BBX: variants seen among roughly 807,000 people sequenced by gnomAD.
BBX encodes the protein BBX high mobility group box domain containing.
BBX carries 30 observed loss-of-function variants against 100.2 expected under a neutral mutation model. That is an observed-to-expected ratio of 0.30 (90% CI 0.22 to 0.41). The LOEUF is 0.41. Among genes scored for constraint, BBX ranks in the 10% least tolerant of loss-of-function variants. The probability of loss-of-function intolerance (pLI) is 1.00; values close to 1 mark genes in which losing one functional copy is unlikely to be tolerated. For synonymous variants in BBX, 376 were observed against 388.1 expected (o/e 0.97, Z 0.37); for missense variants, 1,023 against 1,129.8 (o/e 0.91, Z 1.35).
chr3:107,727,115 A>C (rs2063003896), intron 5 of BBX, among the ~76,000 whole-genome samples: 1 of 152,050 alleles, frequency 6.6e-6, no homozygotes. Context: ...AAAATAGATA[A>C]TTTTATTTCT....
At chr3:107,799,031 T>C (rs1458827419) in intron 16 of BBX, among the ~76,000 whole-genome samples, 2 of 151,420 alleles carry the variant, frequency 1.3e-5, no homozygotes, top group African/African-American at 2.4e-5. Flanking sequence ...GTGCCTGTAG[T>C]CCCAGCTGCT....
chr3:107,651,598 A>T (rs892576228), intron 3 of BBX, among the ~76,000 whole-genome samples: 1 of 152,160 alleles, frequency 6.6e-6, no homozygotes, highest in Non-Finnish European at 1.5e-5. Flanking sequence ...GTAAGGCAAT[A>T]TTCTTTTACT....
chr3:107,749,751 A>C (rs2064922245), intron 9 of BBX, among the ~76,000 whole-genome samples: 1 of 151,474 alleles, frequency 6.6e-6, no homozygotes, highest in Admixed American at 6.6e-5. Flanking sequence ...CTCCTGCCTC[A>C]GCCTCCTGAG....
chr3:107,584,656 A>AT (rs2052681025), intron 2 of BBX, among the ~76,000 whole-genome samples: 1 of 58,332 alleles, frequency 1.7e-5, no homozygotes, highest in South Asian at 7.9e-4. Flanking sequence ...TTAAAAAGTG[A>AT]TTTTTCCGTT....
intron 13 of BBX, among the ~76,000 whole-genome samples, chr3:107,787,086 A>G (rs1056099921): frequency 3.3e-5 from 5 of 152,190 alleles, no homozygotes; most frequent in East Asian, 1.9e-4. Flanking sequence ...CAAAACCACA[A>G]TGGGAATAAT....
intron 3 of BBX, among the ~76,000 whole-genome samples, chr3:107,699,763 C>T (rs2060907432): frequency 6.6e-6 from 1 of 151,876 alleles, no homozygotes; most frequent in African/African-American, 2.4e-5. Flanking sequence ...ATTCACCAGG[C>T]TCTGACATAA....
intron 2 of BBX, among the ~76,000 whole-genome samples, chr3:107,552,750 T>C (rs1046977387): frequency 9.8e-5 from 15 of 152,360 alleles, no homozygotes; most frequent in African/African-American, 3.6e-4. Flanking sequence ...GTTATTTCTT[T>C]TGAAGTAACA....
chr3:107,567,423 A>T (rs1434845983), intron 2 of BBX, among the ~76,000 whole-genome samples: 1 of 152,066 alleles, frequency 6.6e-6, no homozygotes, highest in Non-Finnish European at 1.5e-5. Flanking sequence ...TCAAAGCTAT[A>T]TTGTTAAGTA....
At chr3:107,526,536 C>T (rs529694872) in intron 2 of BBX, 138 bp downstream of exon 2, 1 of 394,832 alleles carries the variant, frequency 2.5e-6, no homozygotes, top group Non-Finnish European at 4.5e-6. Context: ...TTTCCCACAG[C>T]ATAAGTCAGT....
At chr3:107,696,327 G>A (rs1234732189) in intron 3 of BBX, among the ~76,000 whole-genome samples, 2 of 151,760 alleles carry the variant, frequency 1.3e-5, no homozygotes, top group South Asian at 2.1e-4. Context: ...ATTTTGCAGT[G>A]GCTGGTACCG....
intron 2 of BBX, among the ~76,000 whole-genome samples, chr3:107,634,493 T>C (rs553079198): frequency 6.6e-6 from 1 of 152,332 alleles, no homozygotes; most frequent in East Asian, 1.9e-4. Context: ...TTGAACTGTG[T>C]TGTAGATTTT....
At chr3:107,732,002 C>A (rs1015600076) in intron 6 of BBX, among the ~76,000 whole-genome samples, 15 of 152,124 alleles carry the variant, frequency 9.9e-5, no homozygotes, top group African/African-American at 3.6e-4. Flanking sequence ...ACTTACAGGA[C>A]ACAGGTGCCT....
chr3:107,617,204 G>A (rs2055359179), intron 2 of BBX, among the ~76,000 whole-genome samples: 1 of 152,056 alleles, frequency 6.6e-6, no homozygotes, highest in Non-Finnish European at 1.5e-5. Context: ...AGGCATATTT[G>A]GTGGGTTTCT....
At position 107,806,217 on chromosome 3, in the gene BBX, G is replaced by C. The variant is rs979211926; in HGVS notation, c.*760G>C. On this transcript the variant is annotated 3_prime_UTR_variant, in exon 18 of 18. Transcript: ENST00000325805. ...AAGAAGAATTTGCTTGAGGCAAATT[G>C]TGGCAAATATTTTCCCAGACAGGGG... 1 of 152,084 alleles carries C rather than the reference G, an allele frequency of 6.6e-6. No homozygotes were observed. The highest frequency in any genetic ancestry group is 1.5e-5 in the Non-Finnish European group (1 of 68,024). The allele number at this position is 152,084 out of a possible 1,614,324, so 9.4% of individuals were successfully genotyped here.
intron 2 of BBX, among the ~76,000 whole-genome samples, chr3:107,610,135 C>T: frequency 6.6e-6 from 1 of 152,106 alleles, no homozygotes; most frequent in Non-Finnish European, 1.5e-5. Flanking sequence ...CCTTGACCCA[C>T]TTGTCATTCA....
chr3:107,617,226 C>G (rs955041744), intron 2 of BBX, among the ~76,000 whole-genome samples: 5 of 152,084 alleles, frequency 3.3e-5, no homozygotes, highest in Non-Finnish European at 7.4e-5. Flanking sequence ...TATGGGTTCT[C>G]TATGCTGTTC....
chr3:107,716,544 A>C, intron 4 of BBX, 63 bp from the exon 5 acceptor site: 1 of 1,570,016 alleles, frequency 6.4e-7, no homozygotes, highest in South Asian at 1.2e-5. Context: ...AACCAAGACT[A>C]ACTGTTAAAT....
At chr3:107,660,146 A>T (rs922692940) in intron 3 of BBX, among the ~76,000 whole-genome samples, 1 of 152,124 alleles carries the variant, frequency 6.6e-6, no homozygotes, top group African/African-American at 2.4e-5. Context: ...TGTGATATAT[A>T]TAGTATCACT....
chr3:107,708,706 A>G (rs967864655), intron 3 of BBX, among the ~76,000 whole-genome samples: 1 of 151,592 alleles, frequency 6.6e-6, no homozygotes, highest in Non-Finnish European at 1.5e-5. Flanking sequence ...CAGAACTTTT[A>G]TTAAAAATGA....
Sources: allele counts gnomAD v4.1 joint callset (sites outside exome capture counted in the v4.1 genomes callset), GRCh38; gene constraint gnomAD v4.1.1; transcripts MANE v1.5; gene names NCBI Gene and HGNC (gene_info 2026-07-23, HGNC 2026-07-21).